The following ITGA1 variants were observed in gnomAD, a reference collection of about 807,000 sequenced individuals.
ITGA1 encodes integrin alpha-1.
In ITGA1, 85 loss-of-function variants were observed where a neutral mutation model predicts 145.9. The ratio of observed to expected loss-of-function variants is 0.58; its 90% CI spans 0.49 to 0.70. The LOEUF (loss-of-function observed/expected upper bound fraction) is 0.70. ITGA1 is among the 30% of genes least tolerant of loss of function. The pLI is 0.00. For missense variants in ITGA1, 1,351 were observed against 1,418.7 expected, an observed-to-expected ratio of 0.95 and a Z score of 0.77; for synonymous variants, 520 against 495.3, an observed-to-expected ratio of 1.05 and a Z score of -0.66.
At position 52,952,643 on chromosome 5, in the gene ITGA1, T is replaced by C. The variant is rs1222605502; in HGVS notation, c.*192T>C. On this transcript the variant is annotated 3_prime_UTR_variant, in exon 29 of 29. Coordinates refer to ENST00000282588, the MANE Select transcript of ITGA1 (RefSeq NM_181501.2). ...TACCAAAAAGACATATTTTATAAAATGACAAAAAATATTTTACATAATTAC... is the reference window on the plus strand; with the variant it reads ...TACCAAAAAGACATATTTTATAAAACGACAAAAAATATTTTACATAATTAC... 3.1e-5 allele frequency: 9 copies of C among 287,950 alleles called. No individual in the cohort carries two copies. Among genetic ancestry groups the C allele is most frequent in the African/African-American group, 1.5e-4 (7 of 45,750 alleles). 17.8% of individuals were successfully genotyped at this position (287,950 alleles called of 1,614,324 possible).
intron 14 of ITGA1, among the ~76,000 whole-genome samples, chr5:52,914,282 C>A (rs901274143): frequency 1.3e-5 from 2 of 152,112 alleles, no homozygotes; most frequent in Non-Finnish European, 1.5e-5. Context: ...ATGGGATAAT[C>A]CAGAATCAAT....
intron 12 of ITGA1, among the ~76,000 whole-genome samples, chr5:52,906,641 T>C (rs1270953999): frequency 1.3e-5 from 2 of 152,262 alleles, no homozygotes; most frequent in East Asian, 3.8e-4. Context: ...TGGGAACTTT[T>C]GTTTCTAAAA....
At chr5:52,890,134 G>A (rs1904162) in intron 8 of ITGA1, among the ~76,000 whole-genome samples, 71,206 of 151,796 alleles carry the variant, frequency 0.47, 17,048 homozygotes, top group East Asian at 0.58. Flanking sequence ...CTCTTTTTTG[G>A]TAACTACATC....
chr5:52,860,407 G>A (rs1056058322), intron 2 of ITGA1, among the ~76,000 whole-genome samples: 5 of 152,074 alleles, frequency 3.3e-5, no homozygotes, highest in Admixed American at 2.0e-4. Flanking sequence ...TTAGTCGGGC[G>A]TGGTGGCGTG....
At chr5:52,841,785 G>C (rs1023280759) in intron 1 of ITGA1, among the ~76,000 whole-genome samples, 1 of 152,160 alleles carries the variant, frequency 6.6e-6, no homozygotes, top group African/African-American at 2.4e-5. Context: ...TAAATTTGGA[G>C]TTATAGAAAA....
intron 1 of ITGA1, among the ~76,000 whole-genome samples, chr5:52,828,740 T>C (rs1314434759): frequency 1.3e-5 from 2 of 152,160 alleles, no homozygotes; most frequent in African/African-American, 4.8e-5. Context: ...TAAAACAATA[T>C]ATTGTCTCAC....
chr5:52,948,196 C>T (rs1180520469), intron 28 of ITGA1, among the ~76,000 whole-genome samples: 1 of 152,132 alleles, frequency 6.6e-6, no homozygotes, highest in Non-Finnish European at 1.5e-5. Context: ...GAGATGACAG[C>T]TTTTGGGATA....
At chr5:52,829,184 A>G (rs1749017449) in intron 1 of ITGA1, among the ~76,000 whole-genome samples, 1 of 152,180 alleles carries the variant, frequency 6.6e-6, no homozygotes, top group Admixed American at 6.6e-5. Context: ...TAATGAACAT[A>G]TATTAGGCTT....
intron 26 of ITGA1, among the ~76,000 whole-genome samples, chr5:52,942,762 C>T (rs1344135732): frequency 6.7e-6 from 1 of 149,672 alleles, no homozygotes; most frequent in Non-Finnish European, 1.5e-5. Context: ...AGGATGGTCT[C>T]GATCTCCTGA....
At chr5:52,906,691 A>C (rs1029647113) in intron 12 of ITGA1, among the ~76,000 whole-genome samples, 3 of 152,164 alleles carry the variant, frequency 2.0e-5, no homozygotes, top group African/African-American at 7.2e-5. Flanking sequence ...AGGAGGATTT[A>C]TTAACTTTAT....
At position 52,937,490 on chromosome 5, in the gene ITGA1, C is replaced by G; in HGVS notation, c.3054C>G (p.Tyr1018Ter). The G allele has an allele frequency of 6.2e-7, 1 of 1,608,758 alleles. No homozygotes were observed. Among genetic ancestry groups the G allele is most frequent in the Non-Finnish European group, 8.5e-7 (1 of 1,175,208 alleles). ...CATCAAATGGTTACCCTGTGCTGTACCCAACTGGATTGTCATCTTCTGAGG... is the reference window on the plus strand; with the variant it reads ...CATCAAATGGTTACCCTGTGCTGTAGCCAACTGGATTGTCATCTTCTGAGG... The part of the protein sequence containing the change: ...NMTSNGYPVL[Y>*]PTGLSSSENA... The change falls in exon 24 of 29, where the codon TAC (tyrosine) becomes TAG (stop). Residue 1018 changes from tyrosine (Y) to a stop codon, truncating the protein, a stop_gained. Coordinates refer to ENST00000282588, the MANE Select transcript of ITGA1 (RefSeq NM_181501.2). LOFTEE classifies it high-confidence loss of function.
At chr5:52,886,392 G>C (rs1750047686) in intron 7 of ITGA1, among the ~76,000 whole-genome samples, 2 of 152,094 alleles carry the variant, frequency 1.3e-5, no homozygotes, top group African/African-American at 4.8e-5. Context: ...ATCAGTTATG[G>C]TATATTTAGT....
In ITGA1 at chr5:52,915,876, T is replaced by A. The variant is rs189907113; in HGVS notation, c.1988+282T>A. Reference sequence around the variant, plus strand: ...AGGAGAGGTATAGGGGAAGAGAAGATCTTATAGAGGATGTATATAAACAAG... The same window carrying A: ...AGGAGAGGTATAGGGGAAGAGAAGAACTTATAGAGGATGTATATAAACAAG... On this transcript the variant is annotated intron_variant, in intron 15 of 28. Coordinates refer to ENST00000282588, the MANE Select transcript of ITGA1 (RefSeq NM_181501.2). Among the ~76,000 whole-genome samples, 235 of 152,282 alleles carry A rather than the reference T, an allele frequency of 1.5e-3. 1 individual carries two copies. The highest frequency in any genetic ancestry group is 5.5e-3 in the African/African-American group (228 of 41,562).
At chr5:52,907,219 A>G (rs1235977093) in intron 12 of ITGA1, among the ~76,000 whole-genome samples, 1 of 152,182 alleles carries the variant, frequency 6.6e-6, no homozygotes, top group African/African-American at 2.4e-5. Flanking sequence ...AAAGGGTTTT[A>G]TTAACTCTTT....
intron 1 of ITGA1, chr5:52,800,957 AG>A: frequency 6.2e-7 from 1 of 1,614,234 alleles, no homozygotes; most frequent in South Asian, 1.1e-5. Context: ...TTCTATGAAC[AG>A]GTGGTCCAGG....
chr5:52,822,432 T>A (rs1748893755), intron 1 of ITGA1, among the ~76,000 whole-genome samples: 1 of 152,176 alleles, frequency 6.6e-6, no homozygotes, highest in South Asian at 2.1e-4. Context: ...TCCCACTGAT[T>A]CAGGGACACT....
At chr5:52,876,053 C>T (rs1197479081) in intron 6 of ITGA1, among the ~76,000 whole-genome samples, 3 of 152,170 alleles carry the variant, frequency 2.0e-5, no homozygotes, top group South Asian at 2.1e-4. Flanking sequence ...GCTGAATCCT[C>T]CTTCCTCCTT....
intron 16 of ITGA1, 118 bp downstream of exon 16, chr5:52,919,016 GC>G: frequency 1.1e-6 from 1 of 882,114 alleles, no homozygotes; most frequent in Non-Finnish European, 1.6e-6. Context: ...CGTCATATTT[GC>G]CCCAGTGAAG....
intron 3 of ITGA1, among the ~76,000 whole-genome samples, chr5:52,863,625 A>C (rs1028668004): frequency 6.6e-6 from 1 of 152,062 alleles, no homozygotes; most frequent in Non-Finnish European, 1.5e-5. Context: ...TATTTTTTTT[A>C]ATTCTTCCTA....
Sources: allele counts gnomAD v4.1 joint callset (sites outside exome capture counted in the v4.1 genomes callset), GRCh38; gene constraint gnomAD v4.1.1; transcripts MANE v1.5; gene names NCBI Gene and HGNC (gene_info 2026-07-23, HGNC 2026-07-21).